The following DCLK3 variants were observed in gnomAD, a reference collection of about 807,000 sequenced individuals.
The protein encoded by DCLK3 is serine/threonine-protein kinase DCLK3.
A neutral mutation model predicts 46.4 loss-of-function variants in DCLK3; 30 were observed. The ratio of observed to expected loss-of-function variants is 0.65; its 90% CI spans 0.48 to 0.88. DCLK3 has a LOEUF of 0.88. Among genes scored for constraint, DCLK3 ranks in the 40% least tolerant of loss-of-function variants. DCLK3 has a pLI of 0.00. For missense variants in DCLK3, 846 were observed against 907.1 expected (o/e 0.93, Z 0.87); for synonymous variants, 401 against 339.2 (o/e 1.18, Z -2.00).
chr3:36,747,625 C>G (rs1307467912), intron 1 of DCLK3, among the ~76,000 whole-genome samples: 1 of 152,112 alleles, frequency 6.6e-6, no homozygotes, highest in Non-Finnish European at 1.5e-5. Context: ...TGTTACAAGG[C>G]AAGTGAAAGG....
At chr3:36,724,147 C>T (rs959720282) in intron 2 of DCLK3, among the ~76,000 whole-genome samples, 8 of 152,162 alleles carry the variant, frequency 5.3e-5, no homozygotes, top group Non-Finnish European at 4.4e-5. Flanking sequence ...TTTGACTGCC[C>T]CGCTAGATTT....
chr3:36,738,325 G>A lies in DCLK3; in HGVS notation c.842C>T (p.Ala281Val), dbSNP rs1226623277. The A allele has an allele frequency of 6.6e-7, 1 of 1,508,030 alleles. No homozygotes were observed. The highest frequency in any genetic ancestry group is 1.4e-5 in the South Asian group (1 of 72,482). 93.4% of individuals were successfully genotyped at this position (1,508,030 alleles called of 1,614,324 possible). Reference protein sequence around the residue: ...PEPSSKPPREATLEERHARGE... With the variant: ...PEPSSKPPREVTLEERHARGE... ...CCTTGCGTGCCTCTCTTCCAGAGTG[G>A]CTTCCCTGGGGGGCTTGCTACTGGG... The change falls in exon 2 of 5, where the codon GCC becomes GTC. Residue 281 changes from alanine to valine, a missense_variant. Ala to Val is a moderately conservative substitution (Grantham distance 64). This residue lies in a region of DCLK3 where 553 missense variants were observed against 543.0 expected (regional missense o/e 1.02). Transcript: ENST00000636136.
In DCLK3 at chr3:36,737,942, C is replaced by T; in HGVS notation, c.1225G>A (p.Ala409Thr). The T allele has an allele frequency of 6.2e-7, 1 of 1,614,142 alleles. No homozygotes were observed. Among genetic ancestry groups the T allele is most frequent in the Non-Finnish European group, 8.5e-7 (1 of 1,180,030 alleles). Residue 409 changes from alanine to threonine, a missense_variant, in exon 2 of 5, where the codon GCC becomes ACC. Ala to Thr is a moderately conservative substitution (Grantham distance 58, BLOSUM62 0). Around this residue, in one of 3 missense-constraint regions of DCLK3, gnomAD observed 553 missense variants for 543.0 expected, o/e 1.02. Coordinates refer to ENST00000636136, the MANE Select transcript of DCLK3 (RefSeq NM_001394672.2). The surrounding 1 kb of genome is among the most constrained non-coding windows in gnomAD (Gnocchi z 4.4). ...TCCACAAGGTCCTTCTTGGCCTTGGCTGCTCCCTGAGCATGGCTTTCTTGA... is the reference window on the plus strand; with the variant it reads ...TCCACAAGGTCCTTCTTGGCCTTGGTTGCTCCCTGAGCATGGCTTTCTTGA... ...EDQESHAQGA[A>T]KAKKDLVEVL...
At chr3:36,743,838 A>T (rs986570814) in intron 1 of DCLK3, among the ~76,000 whole-genome samples, 4 of 150,568 alleles carry the variant, frequency 2.7e-5, no homozygotes, top group Non-Finnish European at 5.9e-5. Context: ...ATTCCAACCC[A>T]CTCCACCTCC....
intron 4 of DCLK3, among the ~76,000 whole-genome samples, 155 bp from the exon 5 acceptor site, chr3:36,715,676 C>A (rs571917411): frequency 2.0e-5 from 3 of 152,212 alleles, no homozygotes; most frequent in African/African-American, 7.2e-5. Context: ...CAATAGAAGA[C>A]AGGAACATTC....
intron 2 of DCLK3, among the ~76,000 whole-genome samples, chr3:36,723,458 T>A (rs1424712125): frequency 6.6e-6 from 1 of 152,110 alleles, no homozygotes; most frequent in East Asian, 1.9e-4. Context: ...ATGGGGAAAA[T>A]GTCTCCAGGG....
chr3:36,717,167 G>C (rs984173804), intron 4 of DCLK3, among the ~76,000 whole-genome samples: 1 of 152,172 alleles, frequency 6.6e-6, no homozygotes, highest in Non-Finnish European at 1.5e-5. Flanking sequence ...CCAGGCTGGA[G>C]TGTGGTGGCA....
intron 1 of DCLK3, among the ~76,000 whole-genome samples, chr3:36,754,022 T>C (rs915376156): frequency 3.3e-5 from 5 of 152,192 alleles, no homozygotes; most frequent in African/African-American, 1.2e-4. Context: ...CTGTCTTTCA[T>C]TCATGTTACA....
intron 1 of DCLK3, among the ~76,000 whole-genome samples, chr3:36,760,885 G>A (rs1036890851): frequency 2.0e-5 from 3 of 152,160 alleles, no homozygotes; most frequent in African/African-American, 7.2e-5. Context: ...AATCCTCAGA[G>A]CAATTTGAAT....
intron 2 of DCLK3, among the ~76,000 whole-genome samples, chr3:36,728,197 C>A (rs1028473647): frequency 3.9e-5 from 6 of 152,200 alleles, no homozygotes; most frequent in African/African-American, 1.4e-4. Context: ...AATCTGCCCT[C>A]TCCAGTGATG....
intron 1 of DCLK3, among the ~76,000 whole-genome samples, chr3:36,762,748 C>T (rs545531554): frequency 3.0e-4 from 45 of 152,244 alleles, no homozygotes; most frequent in African/African-American, 9.1e-4. Flanking sequence ...GGTACCAATA[C>T]GCACCAAGAT....
At position 36,737,203 on chromosome 3, in the gene DCLK3, C is replaced by T. The variant is rs1253159153; in HGVS notation, c.1959+5G>A. 9.3e-6 allele frequency: 15 copies of T among 1,610,616 alleles called. No homozygotes were observed. In the Admixed American group the frequency reaches 1.5e-4, roughly 16 times the overall value. On this transcript the variant is annotated splice_donor_5th_base_variant and intron_variant, in intron 2 of 4. Transcript: ENST00000636136. The surrounding 1 kb of genome is among the most constrained non-coding windows in gnomAD (Gnocchi z 4.4). ...TCTCCCATATCATCAAAAGTCAAGGCTTACCAAAAGGTTTTCCGGCTTGAG... is the reference window on the plus strand; with the variant it reads ...TCTCCCATATCATCAAAAGTCAAGGTTTACCAAAAGGTTTTCCGGCTTGAG...
chr3:36,746,819 A>T (rs1440169973), intron 1 of DCLK3, among the ~76,000 whole-genome samples: 1 of 152,170 alleles, frequency 6.6e-6, no homozygotes, highest in African/African-American at 2.4e-5. Context: ...TCAAATGTTC[A>T]TGTGCACACA....
intron 1 of DCLK3, among the ~76,000 whole-genome samples, chr3:36,754,001 A>G (rs959761919): frequency 6.6e-6 from 1 of 152,162 alleles, no homozygotes; most frequent in Non-Finnish European, 1.5e-5. Context: ...TCTTAATATG[A>G]GTATGTATTC....
chr3:36,744,008 C>T (rs1263445567), intron 1 of DCLK3, among the ~76,000 whole-genome samples: 1 of 152,206 alleles, frequency 6.6e-6, no homozygotes, highest in African/African-American at 2.4e-5. Flanking sequence ...GAGACCAATA[C>T]CTAGCACAGA....
chr3:36,744,950 G>C (rs564401516), intron 1 of DCLK3, among the ~76,000 whole-genome samples: 2 of 152,216 alleles, frequency 1.3e-5, no homozygotes, highest in Non-Finnish European at 2.9e-5. Context: ...ATGGCATGCC[G>C]TTATTGCCTC....
Position 36,737,234 on chromosome 3 carries a change from G to C in DCLK3, c.1933C>G (p.Arg645Gly), listed in dbSNP as rs373553939. The change falls in exon 2 of 5, where the codon CGG (arginine) becomes GGG (glycine). Residue 645 changes from arginine to glycine, a missense_variant. By Grantham distance (125) the Arg-to-Gly change is moderately radical. Around this residue, in one of 3 missense-constraint regions of DCLK3, gnomAD observed 247 missense variants for 322.8 expected, o/e 0.77. Coordinates refer to ENST00000636136, the MANE Select transcript of DCLK3 (RefSeq NM_001394672.2). This position sits in a 1 kb window ranked among gnomAD's most constrained non-coding sequence, Gnocchi z 4.4. ...AAAAGGTTTTCCGGCTTGAGGTCCC[G>C]GTGGACAATGCTCTTGTCGTGCATG... The part of the protein sequence containing the change: ...VHMHDKSIVH[R>G]DLKPENLLVQ... 1.9e-6 allele frequency: 3 copies of C among 1,613,572 alleles called. No homozygotes were observed. Among genetic ancestry groups the C allele is most frequent in the Middle Eastern group, 1.6e-4 (1 of 6,062 alleles).
At chr3:36,728,170 C>T (rs1415667901) in intron 2 of DCLK3, among the ~76,000 whole-genome samples, 1 of 152,208 alleles carries the variant, frequency 6.6e-6, no homozygotes, top group Non-Finnish European at 1.5e-5. Flanking sequence ...GAATTCCTTT[C>T]CCACTCCTGT....
In DCLK3 at chr3:36,737,425, G is replaced by T; in HGVS notation, c.1742C>A (p.Pro581His). Residue 581 changes from proline (P) to histidine (H), a missense_variant, in exon 2 of 5, where the codon CCC (proline) becomes CAC (histidine). Physicochemically the swap from Pro to His is moderately conservative, Grantham distance 77. Transcript: ENST00000636136. The surrounding 1 kb of genome is among the most constrained non-coding windows in gnomAD (Gnocchi z 4.4). ...GACTTCATGCAATTTCACGATGTTG[G>T]GGTGAGAGAGGCTCTGGATGATCAA... ...EILIIQSLSH[P>H]NIVKLHEVYE... 6.2e-7 allele frequency: 1 copy of T among 1,614,132 alleles called. No individual in the cohort carries two copies. Among genetic ancestry groups the T allele is most frequent in the Non-Finnish European group, 8.5e-7 (1 of 1,180,032 alleles).
Sources: gnomAD v4.1 joint callset for allele counts (sites outside exome capture counted in the v4.1 genomes callset) on GRCh38, gnomAD v4.1.1 for gene constraint, gnomAD v4.1.1 regional missense constraint, Gnocchi (gnomAD v3.1) non-coding constraint, MANE v1.5 for transcripts, NCBI Gene and HGNC (gene_info 2026-07-23, HGNC 2026-07-21) for gene names.